Variants in IRAK1BP1 observed in about 807,000 individuals in gnomAD.
IRAK1BP1 encodes the protein interleukin-1 receptor-associated kinase 1-binding protein 1.
A neutral mutation model predicts 28.0 loss-of-function variants in IRAK1BP1; 24 were observed. The ratio of observed to expected loss-of-function variants is 0.86; its 90% CI spans 0.62 to 1.20. IRAK1BP1 has a LOEUF of 1.20. Among genes scored for constraint, IRAK1BP1 ranks in the 50% most tolerant of loss-of-function variants. The pLI is 0.00. For synonymous variants in IRAK1BP1, 131 were observed against 116.3 expected, an observed-to-expected ratio of 1.13 and a Z score of -0.81; for missense variants, 336 against 316.7, an observed-to-expected ratio of 1.06 and a Z score of -0.46.
intron 1 of IRAK1BP1, chr6:78,871,178 G>T: frequency 2.5e-6 from 2 of 788,480 alleles, no homozygotes; most frequent in Non-Finnish European, 3.1e-6. Flanking sequence ...ATGCTACCAA[G>T]AATTACCCTG....
intron 4 of IRAK1BP1, among the ~76,000 whole-genome samples, chr6:78,943,293 A>G (rs1773601090): frequency 6.6e-6 from 1 of 152,176 alleles, no homozygotes; most frequent in Non-Finnish European, 1.5e-5. Flanking sequence ...ATAGATAATG[A>G]TATTTCTATA....
At chr6:78,921,926 A>G (rs1772743248) in intron 4 of IRAK1BP1, among the ~76,000 whole-genome samples, 1 of 152,202 alleles carries the variant, frequency 6.6e-6, no homozygotes, top group African/African-American at 2.4e-5. Flanking sequence ...CCATCTGTAC[A>G]TCACCATCAT....
intron 1 of IRAK1BP1, among the ~76,000 whole-genome samples, chr6:78,870,348 A>T (rs779610979): frequency 6.6e-6 from 1 of 151,844 alleles, no homozygotes; most frequent in African/African-American, 2.4e-5. Flanking sequence ...CACTCCCTAT[A>T]CTTGTAATAA....
At position 78,899,250 on chromosome 6, in the gene IRAK1BP1, TC is replaced by T. The variant is rs1168434022; in HGVS notation, c.*917del. 6.6e-6 allele frequency: 1 copy of T among 152,186 alleles called. No homozygotes were observed. Among genetic ancestry groups the T allele is most frequent in the Non-Finnish European group, 1.5e-5 (1 of 68,028 alleles). The allele number at this position is 152,186 out of a possible 1,614,324, so 9.4% of individuals were successfully genotyped here. ...CCAGGTAAAGAACAGCCAAGGTCTT[TC>T]ATGCTTGCCACACCCAGCAATATGT... On this transcript the variant is annotated 3_prime_UTR_variant, in exon 4 of 4. Transcript: ENST00000369940.
intron 4 of IRAK1BP1, among the ~76,000 whole-genome samples, chr6:78,920,492 G>A (rs1316344441): frequency 1.3e-5 from 2 of 152,182 alleles, no homozygotes; most frequent in Non-Finnish European, 2.9e-5. Flanking sequence ...ACAGTCATCT[G>A]TAGCTGCTCT....
At chr6:78,946,304 T>C in exon 5 of IRAK1BP1, 1 of 1,545,754 alleles carries the variant, frequency 6.5e-7, no homozygotes, top group Non-Finnish European at 8.8e-7. Context: ...TAGCTCTATG[T>C]GAACGAATAA....
chr6:78,877,848 G>A (rs531001093), intron 1 of IRAK1BP1, among the ~76,000 whole-genome samples: 99 of 152,164 alleles, frequency 6.5e-4, no homozygotes, highest in African/African-American at 2.2e-3. Context: ...ATTATATCCC[G>A]CACCTGGCTC....
chr6:78,945,217 G>T, intron 4 of IRAK1BP1: 1 of 1,028,302 alleles, frequency 9.7e-7, no homozygotes, highest in Non-Finnish European at 1.5e-6. Flanking sequence ...AACCTGAAAA[G>T]TGGATATAAA....
At chr6:78,916,925 T>C (rs1047561788) in intron 4 of IRAK1BP1, among the ~76,000 whole-genome samples, 2 of 151,848 alleles carry the variant, frequency 1.3e-5, no homozygotes, top group Non-Finnish European at 2.9e-5. Flanking sequence ...GCCTGGTCAA[T>C]AGAGTGAGAC....
At chr6:78,912,662 C>G (rs1458921575) in intron 4 of IRAK1BP1, among the ~76,000 whole-genome samples, 1 of 152,134 alleles carries the variant, frequency 6.6e-6, no homozygotes, top group Non-Finnish European at 1.5e-5. Context: ...ACCACCATGT[C>G]TACTGGCAAC....
chr6:78,889,787 T>C (rs1467535236), intron 2 of IRAK1BP1, among the ~76,000 whole-genome samples: 1 of 152,106 alleles, frequency 6.6e-6, no homozygotes, highest in Non-Finnish European at 1.5e-5. Flanking sequence ...CTAGAGAGGA[T>C]GTGGAGAAAT....
intron 4 of IRAK1BP1, chr6:78,940,152 CTG>C (rs886467178): frequency 6.6e-5 from 10 of 152,032 alleles, no homozygotes; most frequent in Non-Finnish European, 1.0e-4. Flanking sequence ...TAAAATTAAA[CTG>C]TTTAGGGTAT....
At position 78,941,039 on chromosome 6, in the gene IRAK1BP1, T is replaced by G. The variant is rs1773475746; in HGVS notation, c.*68-4369T>G. The G allele has an allele frequency of 6.2e-7, 1 of 1,613,956 alleles. No homozygotes were observed. Among genetic ancestry groups the G allele is most frequent in the Admixed American group, 1.7e-5 (1 of 59,998 alleles). ...CTTCCTACCTCCACGATTCTTTTTC[T>G]GTAACAAATCTTCCTTTACATTATT... On this transcript the variant is annotated intron_variant and NMD_transcript_variant, in intron 4 of 4. Transcript: ENST00000606868.
chr6:78,963,340 A>G, the IRAK1BP1 span: 1 of 999,456 alleles, frequency 1.0e-6, no homozygotes, highest in Non-Finnish European at 1.5e-6. Flanking sequence ...CAGTCACAAA[A>G]TTAAAGTATA....
downstream of IRAK1BP1, among the ~76,000 whole-genome samples, chr6:78,905,244 C>G (rs950436870): frequency 2.0e-5 from 3 of 151,158 alleles, no homozygotes; most frequent in African/African-American, 7.4e-5. Flanking sequence ...CTTCATTGAC[C>G]AATATTAATT....
intron 4 of IRAK1BP1, among the ~76,000 whole-genome samples, chr6:78,921,187 G>T (rs1582046069): frequency 6.6e-6 from 1 of 152,210 alleles, no homozygotes; most frequent in Non-Finnish European, 1.5e-5. Context: ...AAGGAAAGGG[G>T]TGACAGATGG....
intron 4 of IRAK1BP1, among the ~76,000 whole-genome samples, chr6:78,923,844 G>T (rs887480082): frequency 1.3e-5 from 2 of 152,166 alleles, no homozygotes; most frequent in African/African-American, 2.4e-5. Flanking sequence ...AATGAAGGCA[G>T]AAATAAAGAT....
At chr6:78,955,061 A>T in the IRAK1BP1 span, 1 of 958,432 alleles carries the variant, frequency 1.0e-6, no homozygotes. Flanking sequence ...ATATACAATA[A>T]TTCAAACAAA....
rs982294745 is a variant in IRAK1BP1 at position 78,935,077 on chromosome 6, T to C, written c.*68-10331T>C. ...TACTGGGGAATCCTGGGTCATAAAATTGGTATTATTACAAAAGAGAAATAA... is the reference window on the plus strand; with the variant it reads ...TACTGGGGAATCCTGGGTCATAAAACTGGTATTATTACAAAAGAGAAATAA... On this transcript the variant is annotated intron_variant and NMD_transcript_variant, in intron 4 of 4. Coordinates refer to the IRAK1BP1 transcript ENST00000606868. 7.2e-5 allele frequency among the ~76,000 whole-genome samples: 11 copies of C among 152,284 alleles called. No homozygotes were observed. In the South Asian group the frequency reaches 2.3e-3, roughly 32 times the overall value.
Sources: allele counts gnomAD v4.1 joint callset (sites outside exome capture counted in the v4.1 genomes callset), GRCh38; gene constraint gnomAD v4.1.1; transcripts MANE v1.5; gene names NCBI Gene and HGNC (gene_info 2026-07-23, HGNC 2026-07-21).